NALF1: variants seen among roughly 807,000 people sequenced by gnomAD.
NALF1 encodes the protein NALCN channel auxiliary factor 1, also known as family with sequence similarity 155 member A.
Under a neutral mutation model 48.4 loss-of-function variants are expected in NALF1, and 3 were observed. That is an observed-to-expected ratio of 0.06 (90% CI 0.03 to 0.16). The LOEUF (loss-of-function observed/expected upper bound fraction) is 0.16, where lower values mean the gene tolerates loss of function less well. Ranked by LOEUF, NALF1 falls within the 10% of genes least tolerant of loss-of-function variation. NALF1 has a pLI of 1.00. For missense variants in NALF1, 526 were observed against 571.5 expected, an observed-to-expected ratio of 0.92 and a Z score of 0.81; for synonymous variants, 262 against 245.7, an observed-to-expected ratio of 1.07 and a Z score of -0.62.
At position 107,739,883 on chromosome 13, in the gene NALF1, T is replaced by C. The variant is rs187602202; in HGVS notation, c.915+125799A>G. ...AAACTGCACATGTGAGGGATCTAGG[T>C]TGTGTGCTACTTATGAGAATCTAAT... is the stretch of plus-strand genomic sequence containing the variant. On this transcript the variant is annotated intron_variant, in intron 1 of 2. Coordinates refer to ENST00000375915, the MANE Select transcript of NALF1 (RefSeq NM_001080396.3). Among the ~76,000 whole-genome samples, 64 of 152,314 alleles carry C rather than the reference T, an allele frequency of 4.2e-4. 1 individual carries two copies. The East Asian group carries it at 9.4e-3, about 22-fold the overall frequency.
chr13:107,219,154 G>A (rs1879939593), intron 1 of NALF1, among the ~76,000 whole-genome samples: 1 of 152,198 alleles, frequency 6.6e-6, no homozygotes, highest in African/African-American at 2.4e-5. Context: ...CTGAGTGTTG[G>A]CCGTGGATGG....
intron 1 of NALF1, among the ~76,000 whole-genome samples, chr13:107,538,283 T>A (rs185742222): frequency 2.2e-4 from 33 of 152,308 alleles, no homozygotes; most frequent in African/African-American, 7.0e-4. Flanking sequence ...TTCTTTTCAC[T>A]CTTCATGCTA....
chr13:107,342,194 T>C (rs1043848099), intron 1 of NALF1, among the ~76,000 whole-genome samples: 4 of 152,166 alleles, frequency 2.6e-5, no homozygotes, highest in Non-Finnish European at 5.9e-5. Flanking sequence ...AACAAATCAT[T>C]TGTATTTTCT....
At chr13:107,411,318 T>C (rs67044962) in intron 1 of NALF1, among the ~76,000 whole-genome samples, 9 of 138,868 alleles carry the variant, frequency 6.5e-5, no homozygotes, top group Admixed American at 2.9e-4. Flanking sequence ...TTTTTTTTTT[T>C]AATCAAGACA....
intron 1 of NALF1, among the ~76,000 whole-genome samples, chr13:107,443,445 G>C (rs140065467): frequency 1.3e-3 from 195 of 152,244 alleles, no homozygotes; most frequent in African/African-American, 4.6e-3. Flanking sequence ...TCGAACCCAT[G>C]ACCTCAAGTG....
chr13:107,487,229 T>C (rs1002915805), intron 1 of NALF1, among the ~76,000 whole-genome samples: 2 of 152,122 alleles, frequency 1.3e-5, no homozygotes, highest in African/African-American at 2.4e-5. Flanking sequence ...TGGACAATAT[T>C]AATATTTGAA....
At chr13:107,438,862 AAGGGTGTCGATGTTTGATTTTT>A (rs1884509308) in intron 1 of NALF1, among the ~76,000 whole-genome samples, 1 of 149,280 alleles carries the variant, frequency 6.7e-6, no homozygotes, top group African/African-American at 2.4e-5. Flanking sequence ...GAATAATATA[AAGGGTGTCGATGTTTGATTTTT>A]AAAAAAGACT....
chr13:107,782,788 T>C (rs1877939234), intron 1 of NALF1, among the ~76,000 whole-genome samples: 1 of 146,848 alleles, frequency 6.8e-6, no homozygotes, highest in African/African-American at 2.6e-5. Context: ...AGCCGCCCCA[T>C]CTGAGAAGGG....
chr13:107,855,027 T>TA lies in NALF1; in HGVS notation c.915+10654dup, dbSNP rs553158483. On this transcript the variant is annotated intron_variant, in intron 1 of 2. Coordinates refer to ENST00000375915, the MANE Select transcript of NALF1 (RefSeq NM_001080396.3). The stretch of plus-strand genomic sequence containing the variant: ...GGATCTTTTCTACCTGCTCAGCATC[T>TA]AGAGAGCAGGCACAGTGGAGTGCTG... Among the ~76,000 whole-genome samples, 19 of 152,330 alleles carry TA rather than the reference T, an allele frequency of 1.2e-4. No homozygotes were observed. In the South Asian group the frequency reaches 3.3e-3, roughly 27 times the overall value.
chr13:107,469,715 G>A (rs142159378), intron 1 of NALF1, among the ~76,000 whole-genome samples: 11 of 146,712 alleles, frequency 7.5e-5, no homozygotes, highest in Admixed American at 1.4e-4. Flanking sequence ...CCGTAAATGC[G>A]ATGAGTCAAC....
At chr13:107,650,881 A>G (rs890812174) in intron 1 of NALF1, among the ~76,000 whole-genome samples, 2 of 152,036 alleles carry the variant, frequency 1.3e-5, no homozygotes, top group Non-Finnish European at 2.9e-5. Flanking sequence ...ATAACAGCTT[A>G]TGAACACAGA....
At chr13:107,497,460 G>A (rs899591282) in intron 1 of NALF1, among the ~76,000 whole-genome samples, 2 of 151,912 alleles carry the variant, frequency 1.3e-5, no homozygotes, top group African/African-American at 4.8e-5. Flanking sequence ...TATCTTACAT[G>A]GCTATATGGT....
chr13:107,589,141 C>T (rs1166302239), intron 1 of NALF1, among the ~76,000 whole-genome samples: 1 of 151,972 alleles, frequency 6.6e-6, no homozygotes, highest in East Asian at 1.9e-4. Flanking sequence ...GAATGAAATA[C>T]CAATTTACGA....
intron 2 of NALF1, among the ~76,000 whole-genome samples, chr13:107,185,567 T>C (rs186882582): frequency 6.6e-6 from 1 of 152,242 alleles, no homozygotes; most frequent in Admixed American, 6.5e-5. Flanking sequence ...GTCTTATTTG[T>C]ACCCATCAAT....
intron 1 of NALF1, among the ~76,000 whole-genome samples, chr13:107,850,915 GAAAAGA>G (rs1157163526): frequency 2.0e-5 from 3 of 151,768 alleles, no homozygotes; most frequent in African/African-American, 4.8e-5. Context: ...AAAAAAAAAG[GAAAAGA>G]AAAAGAAAAA....
intron 1 of NALF1, among the ~76,000 whole-genome samples, chr13:107,636,966 G>A (rs1406678103): frequency 6.6e-6 from 1 of 150,868 alleles, no homozygotes; most frequent in Non-Finnish European, 1.5e-5. Context: ...TAAGAACAGT[G>A]GTCCCATAAG....
intron 1 of NALF1, among the ~76,000 whole-genome samples, chr13:107,464,516 A>G (rs1566353179): frequency 2.7e-5 from 4 of 150,596 alleles, no homozygotes; most frequent in Non-Finnish European, 5.9e-5. Context: ...TGCAATACAA[A>G]TTTTTTTTTT....
At chr13:107,315,706 T>A (rs1270313004) in intron 1 of NALF1, among the ~76,000 whole-genome samples, 1 of 152,028 alleles carries the variant, frequency 6.6e-6, no homozygotes, top group African/African-American at 2.4e-5. Context: ...GCAGTTATTT[T>A]CTATGCTCAG....
chr13:107,707,643 T>C (rs1185966370), intron 1 of NALF1, among the ~76,000 whole-genome samples: 1 of 152,204 alleles, frequency 6.6e-6, no homozygotes, highest in African/African-American at 2.4e-5. Context: ...AATGTCAGGA[T>C]ATCAACTGTC....
Sources: gnomAD v4.1 joint callset for allele counts (sites outside exome capture counted in the v4.1 genomes callset) on GRCh38, gnomAD v4.1.1 for gene constraint, MANE v1.5 for transcripts, NCBI Gene and HGNC (gene_info 2026-07-23, HGNC 2026-07-21) for gene names.